OPCML: variants seen among roughly 807,000 people sequenced by gnomAD.
The protein encoded by OPCML is opioid binding protein/cell adhesion molecule like.
OPCML carries 13 observed loss-of-function variants against 37.8 expected under a neutral mutation model. The ratio of observed to expected loss-of-function variants is 0.34; its 90% CI spans 0.22 to 0.55. The LOEUF is 0.55. OPCML is among the 20% of genes least tolerant of loss of function. The pLI, the probability that OPCML is intolerant of heterozygous loss-of-function variation, is 0.91. For missense variants in OPCML, 341 were observed against 435.6 expected, an observed-to-expected ratio of 0.78 and a Z score of 1.93; for synonymous variants, 176 against 168.8, an observed-to-expected ratio of 1.04 and a Z score of -0.33.
In OPCML at chr11:133,098,826, T is replaced by A. The variant is rs994907425; in HGVS notation, c.62-155816A>T. Among the ~76,000 whole-genome samples, 3 of 151,910 alleles carry A rather than the reference T, an allele frequency of 2.0e-5. No individual in the cohort carries two copies. The East Asian group carries it at 5.8e-4, about 29-fold the overall frequency. On this transcript the variant is annotated intron_variant, in intron 1 of 7. Transcript: ENST00000524381. ...GTATTGGAAATTCTAACCAACATAA[T>A]AAGAAAATAAAAGAAAATATAATGC...
chr11:132,949,342 G>A (rs1945809736), intron 1 of OPCML, among the ~76,000 whole-genome samples: 1 of 152,228 alleles, frequency 6.6e-6, no homozygotes, highest in South Asian at 2.1e-4. Context: ...TGACACTGAA[G>A]AGATGCATCC....
At chr11:132,501,791 C>A (rs1021866080) in intron 4 of OPCML, among the ~76,000 whole-genome samples, 3 of 152,150 alleles carry the variant, frequency 2.0e-5, no homozygotes, top group Non-Finnish European at 2.9e-5. Context: ...ATGATTTTAA[C>A]AAATTTCTAG....
intron 4 of OPCML, among the ~76,000 whole-genome samples, chr11:132,499,529 T>A (rs1205233232): frequency 6.6e-6 from 1 of 152,174 alleles, no homozygotes. Context: ...TTCACATAGA[T>A]GGGAAAAGCA....
At chr11:133,220,845 G>C (rs189699489) in intron 1 of OPCML, among the ~76,000 whole-genome samples, 7 of 152,168 alleles carry the variant, frequency 4.6e-5, no homozygotes, top group South Asian at 2.1e-4. Context: ...CCCCGGCTTC[G>C]TTCGAGTCCG....
Position 133,007,865 on chromosome 11 carries a change from A to G in OPCML, c.62-64855T>C, listed in dbSNP as rs969825450. ...ACGGATGGCAATTTTAGAACAAAAG[A>G]TTGTGGGGAAAATGGTTTATGCTTT... On this transcript the variant is annotated intron_variant, in intron 1 of 7. Coordinates refer to ENST00000524381, the MANE Select transcript of OPCML (RefSeq NM_001012393.5). 4.1e-6 allele frequency: 4 copies of G among 985,292 alleles called. No homozygotes were observed. The African/African-American group carries it at 7.0e-5, about 17-fold the overall frequency. The allele number at this position is 985,292 out of a possible 1,614,324, so 61.0% of individuals were successfully genotyped here. A position where few individuals can be genotyped will look rare whatever the true frequency, so the allele number is the denominator to read the frequency against.
intron 1 of OPCML, among the ~76,000 whole-genome samples, chr11:133,106,999 GT>G (rs1565450327): frequency 6.6e-6 from 1 of 152,130 alleles, no homozygotes; most frequent in Non-Finnish European, 1.5e-5. Flanking sequence ...TAGGTAATAC[GT>G]TCCGGTCTTG....
intron 2 of OPCML, among the ~76,000 whole-genome samples, chr11:132,879,706 C>T (rs1943153961): frequency 6.6e-6 from 1 of 152,198 alleles, no homozygotes; most frequent in Non-Finnish European, 1.5e-5. Flanking sequence ...CAGCTATCCT[C>T]AGCAAGCGCA....
chr11:132,781,691 A>G (rs7944972), intron 2 of OPCML, among the ~76,000 whole-genome samples: 53,841 of 150,782 alleles, frequency 0.36, 10,157 homozygotes, highest in Non-Finnish European at 0.43. Context: ...GATGAGTCCC[A>G]GTCAAAGCTG....
At chr11:133,074,514 C>T (rs1948591766) in intron 1 of OPCML, among the ~76,000 whole-genome samples, 1 of 152,086 alleles carries the variant, frequency 6.6e-6, no homozygotes, top group Admixed American at 6.6e-5. Flanking sequence ...AACTCTTAGC[C>T]CATGGTGGGA....
intron 1 of OPCML, among the ~76,000 whole-genome samples, chr11:133,200,251 G>T (rs188239852): frequency 5.3e-5 from 8 of 152,324 alleles, no homozygotes; most frequent in African/African-American, 1.4e-4. Context: ...TGCATGTCAC[G>T]TGGGCAGAGA....
intron 1 of OPCML, among the ~76,000 whole-genome samples, chr11:133,524,617 C>T (rs1165308637): frequency 6.6e-6 from 1 of 152,250 alleles, no homozygotes; most frequent in Non-Finnish European, 1.5e-5. Flanking sequence ...TACGGAACGA[C>T]TCACACTCTC....
At chr11:132,834,985 T>G in intron 2 of OPCML, among the ~76,000 whole-genome samples, 1 of 81,930 alleles carries the variant, frequency 1.2e-5, no homozygotes, top group South Asian at 3.5e-4. Flanking sequence ...TGGTGGCACT[T>G]TGTAAAAAAA....
At chr11:132,726,225 C>T (rs1944879060) in intron 2 of OPCML, among the ~76,000 whole-genome samples, 1 of 152,152 alleles carries the variant, frequency 6.6e-6, no homozygotes, top group South Asian at 2.1e-4. Flanking sequence ...GAGTTTTAAT[C>T]AATTTACAGT....
rs535918286 is a variant in OPCML, at chr11:133,410,069, G to A, written c.61+122195C>T. ...GCAAAGCCTGAAGGATCAAATGAGG[G>A]CAATTGAGCTCTGAAAGCTGGAGGA... On this transcript the variant is annotated intron_variant, in intron 1 of 7. Transcript: ENST00000524381. Among the ~76,000 whole-genome samples, 6 of 152,208 alleles carry A rather than the reference G, an allele frequency of 3.9e-5. No homozygotes were observed. In the East Asian group the frequency reaches 1.2e-3, roughly 30 times the overall value.
chr11:133,108,473 C>T (rs183502461), intron 1 of OPCML, among the ~76,000 whole-genome samples: 1 of 152,262 alleles, frequency 6.6e-6, no homozygotes, highest in African/African-American at 2.4e-5. Context: ...GGAGGAAATA[C>T]CCCTGAAGTC....
intron 1 of OPCML, among the ~76,000 whole-genome samples, chr11:133,015,826 C>T (rs889491097): frequency 1.3e-5 from 2 of 152,186 alleles, no homozygotes; most frequent in South Asian, 4.1e-4. Context: ...TCTGCCCTTG[C>T]TCCTGCTGTT....
chr11:132,630,152 T>G (rs910836586), intron 3 of OPCML, among the ~76,000 whole-genome samples: 2 of 152,224 alleles, frequency 1.3e-5, no homozygotes, highest in East Asian at 3.8e-4. Flanking sequence ...CTTAAGGCAG[T>G]GATTATACAC....
chr11:133,091,097 T>G (rs1226794878), intron 1 of OPCML, among the ~76,000 whole-genome samples: 4 of 152,184 alleles, frequency 2.6e-5, no homozygotes. Flanking sequence ...TCTGCTGCAA[T>G]GTTCCTTGGC....
intron 1 of OPCML, among the ~76,000 whole-genome samples, chr11:133,460,784 C>G (rs191452880): frequency 6.6e-6 from 1 of 151,824 alleles, no homozygotes; most frequent in East Asian, 1.9e-4. Flanking sequence ...CACCTTAAAC[C>G]GTTCCAAAAA....
Sources: gnomAD v4.1 joint callset for allele counts (sites outside exome capture counted in the v4.1 genomes callset) on GRCh38, gnomAD v4.1.1 for gene constraint, MANE v1.5 for transcripts, NCBI Gene and HGNC (gene_info 2026-07-23, HGNC 2026-07-21) for gene names.